Variants in TRA2B observed in about 807,000 individuals in gnomAD.
The protein encoded by TRA2B is transformer 2 beta homolog.
TRA2B carries 14 observed loss-of-function variants against 41.7 expected under a neutral mutation model. The observed-to-expected ratio is 0.34, with a 90% confidence interval of 0.22 to 0.53. The LOEUF is 0.53. Ranked by LOEUF, TRA2B falls within the 20% of genes least tolerant of loss-of-function variation. TRA2B has a pLI of 0.95. For synonymous variants in TRA2B, 130 were observed against 128.8 expected, an observed-to-expected ratio of 1.01 and a Z score of -0.06; for missense variants, 167 against 396.8, an observed-to-expected ratio of 0.42 and a Z score of 4.92.
At chr3:185,935,798 T>C (rs1744328112) in intron 1 of TRA2B, 2 of 985,332 alleles carry the variant, frequency 2.0e-6, no homozygotes, top group East Asian at 1.1e-4. Flanking sequence ...AAGGTTCCAA[T>C]TGGAACACAA....
At chr3:185,933,074 T>G (rs1425993929) in intron 1 of TRA2B, among the ~76,000 whole-genome samples, 2 of 152,180 alleles carry the variant, frequency 1.3e-5, no homozygotes, top group African/African-American at 4.8e-5. Flanking sequence ...TCTCCATCAC[T>G]AAAATGCAAT....
chr3:185,934,821 T>C (rs1280299562), intron 1 of TRA2B: 1 of 985,348 alleles, frequency 1.0e-6, no homozygotes, highest in Admixed American at 6.1e-5. Flanking sequence ...GCTATTCATC[T>C]CTAATGATAA....
intron 2 of TRA2B, among the ~76,000 whole-genome samples, chr3:185,926,193 T>TA (rs11425526): frequency 0.36 from 51,575 of 143,918 alleles, 9,167 homozygotes; most frequent in Non-Finnish European, 0.42. Context: ...TGACCAACAT[T>TA]AAAAAAAAAA....
At chr3:185,919,638 G>C (rs1743638610) in intron 6 of TRA2B, 142 bp from the exon 7 acceptor site, 1 of 643,438 alleles carries the variant, frequency 1.6e-6, no homozygotes. Context: ...ACCCTTTTTA[G>C]AAACTGGCAT....
Position 185,937,931 on chromosome 3 carries a change from A to T in TRA2B, c.-71T>A. ...CCAACCTCTTGCACCTTCCTTAAGG[A>T]GGCTCCGCCGCAGCCCCGCACGACG... On this transcript the variant is annotated 5_prime_UTR_variant, in exon 1 of 9. Transcript: ENST00000453386. 6.3e-7 allele frequency: 1 copy of T among 1,590,964 alleles called. No homozygotes were observed. The highest frequency in any genetic ancestry group is 8.6e-7 in the Non-Finnish European group (1 of 1,165,104).
intron 3 of TRA2B, 94 bp downstream of exon 3, chr3:185,925,370 C>T (rs982404875): frequency 1.4e-6 from 2 of 1,435,248 alleles, no homozygotes; most frequent in Non-Finnish European, 1.9e-6. Flanking sequence ...ACTCACGCAC[C>T]AACTGCTAAA....
intron 1 of TRA2B, chr3:185,937,406 T>A (rs1190620493): frequency 2.0e-6 from 2 of 1,009,360 alleles, no homozygotes; most frequent in African/African-American, 1.7e-5. Context: ...GGGTCCGCGT[T>A]GCCGCGCGGC....
chr3:185,920,963 ATC>A (rs1199238455), intron 6 of TRA2B, 139 bp downstream of exon 6: 1 of 544,544 alleles, frequency 1.8e-6, no homozygotes, highest in Non-Finnish European at 3.1e-6. Context: ...GAACCTTAGA[ATC>A]TGATTTAACT....
chr3:185,926,851 T>C (rs549962741), intron 1 of TRA2B, 117 bp from the exon 2 acceptor site: 107 of 1,293,636 alleles, frequency 8.3e-5, no homozygotes, highest in East Asian at 4.6e-4. Flanking sequence ...TAAGAAAATA[T>C]AGGTAAGGGC....
chr3:185,925,429 C>T (rs750795283), intron 3 of TRA2B, 35 bp downstream of exon 3: 5 of 1,602,814 alleles, frequency 3.1e-6, no homozygotes, highest in Non-Finnish European at 3.4e-6. Flanking sequence ...TAAATTTAGG[C>T]AGTTGACTGC....
At chr3:185,936,966 T>C (rs776702500) in intron 1 of TRA2B, 36 of 985,306 alleles carry the variant, frequency 3.7e-5, no homozygotes, top group Non-Finnish European at 3.9e-5. Context: ...GCTGTGGTTC[T>C]AAGTATTAGA....
In TRA2B at chr3:185,914,761, T is replaced by C. The variant is rs995644271; in HGVS notation, c.*2954A>G. On this transcript the variant is annotated 3_prime_UTR_variant, in exon 9 of 9. Coordinates refer to ENST00000453386, the MANE Select transcript of TRA2B (RefSeq NM_004593.3). The stretch of plus-strand genomic sequence containing the variant: ...ATGCTGAAGGAATATTGGAGGCGTG[T>C]CCACTGCTAATAAATCCAGCCTAAT... Among the ~76,000 whole-genome samples the C allele has an allele frequency of 1.4e-5, 2 of 147,332 alleles. No homozygotes were observed. Among genetic ancestry groups the C allele is most frequent in the African/African-American group, 2.6e-5 (1 of 38,302 alleles).
chr3:185,934,722 G>A, intron 1 of TRA2B: 2 of 984,936 alleles, frequency 2.0e-6, no homozygotes, highest in Non-Finnish European at 2.4e-6. Context: ...TAAAACCAAG[G>A]AATATAAAAA....
intron 1 of TRA2B, chr3:185,931,690 A>C (rs970336913): frequency 7.7e-7 from 1 of 1,298,276 alleles, no homozygotes; most frequent in Non-Finnish European, 9.8e-7. Flanking sequence ...CACTTCACAC[A>C]AATTGCTCAA....
intron 1 of TRA2B, chr3:185,936,170 G>C: frequency 6.1e-6 from 6 of 985,340 alleles, no homozygotes; most frequent in Non-Finnish European, 6.0e-6. Context: ...TAGTATTTTT[G>C]AAGAGTAGAA....
chr3:185,931,871 G>C, intron 1 of TRA2B: 1 of 1,390,658 alleles, frequency 7.2e-7, no homozygotes, highest in Non-Finnish European at 9.3e-7. Context: ...AAAAAGAACA[G>C]GATGAAGAAT....
rs140685776 is a variant in TRA2B, at chr3:185,923,666, C to T, written c.522+130G>A. The T allele has an allele frequency of 1.2e-3, 972 of 843,330 alleles. 8 individuals are homozygous for T. The highest frequency in any genetic ancestry group is 0.011 in the South Asian group (472 of 42,998). 52.2% of individuals were successfully genotyped at this position (843,330 alleles called of 1,614,324 possible). A position where few individuals can be genotyped will look rare whatever the true frequency, so the allele number is the denominator to read the frequency against. On this transcript the variant is annotated intron_variant, in intron 4 of 8. Transcript: ENST00000453386. ...GTTATTCTGCATGTATCTTGAGTCT[C>T]CACAAGAGGTTGGAGAAAAAGTTCG...
intron 5 of TRA2B, 101 bp from the exon 6 acceptor site, chr3:185,921,288 A>G: frequency 1.0e-6 from 1 of 980,542 alleles, no homozygotes; most frequent in South Asian, 1.3e-5. Flanking sequence ...TGGAAAATGA[A>G]AATTATTCCT....
At position 185,926,231 on chromosome 3, in the gene TRA2B, C is replaced by G. The variant is rs551414821; in HGVS notation, c.170+370G>C. 4.6e-4 allele frequency among the ~76,000 whole-genome samples: 69 copies of G among 150,754 alleles called. 1 individual carries two copies. In the South Asian group the frequency reaches 0.014, roughly 30 times the overall value. Reference sequence around the variant, plus strand: ...GCGCACCATATATATACTTATTTATCAAGAATTCTAATTACTGAAAGCCAA... The same window carrying G: ...GCGCACCATATATATACTTATTTATGAAGAATTCTAATTACTGAAAGCCAA... On this transcript the variant is annotated intron_variant, in intron 2 of 8. Coordinates refer to ENST00000453386, the MANE Select transcript of TRA2B (RefSeq NM_004593.3).
Sources: gnomAD v4.1 joint callset for allele counts (sites outside exome capture counted in the v4.1 genomes callset) on GRCh38, gnomAD v4.1.1 for gene constraint, MANE v1.5 for transcripts, NCBI Gene and HGNC (gene_info 2026-07-23, HGNC 2026-07-21) for gene names.